Variants in STK32A observed in about 807,000 individuals in gnomAD.
The protein encoded by STK32A is serine/threonine-protein kinase 32A.
Under a neutral mutation model 53.2 loss-of-function variants are expected in STK32A, and 41 were observed. The ratio of observed to expected loss-of-function variants is 0.77; its 90% CI spans 0.60 to 1.00. The LOEUF (loss-of-function observed/expected upper bound fraction) is 1.00, where lower values mean the gene tolerates loss of function less well. Among genes scored for constraint, STK32A ranks in the 50% least tolerant of loss-of-function variants. STK32A has a pLI of 0.00. For missense variants in STK32A, 458 were observed against 485.8 expected (o/e 0.94, Z 0.54); for synonymous variants, 166 against 162.8 (o/e 1.02, Z -0.15).
At chr5:147,312,959 G>A (rs992708819) in intron 4 of STK32A, among the ~76,000 whole-genome samples, 4 of 151,882 alleles carry the variant, frequency 2.6e-5, no homozygotes, top group Admixed American at 1.3e-4. Flanking sequence ...ACTACTACTG[G>A]GCTAGATGTG....
chr5:147,307,624 C>CAAAAAAA (rs34762967), intron 4 of STK32A, among the ~76,000 whole-genome samples: 2 of 75,296 alleles, frequency 2.7e-5, no homozygotes, highest in Non-Finnish European at 2.5e-5. Context: ...GACGCTGTCT[C>CAAAAAAA]AAAAAAAAAA....
intron 5 of STK32A, among the ~76,000 whole-genome samples, chr5:147,324,999 G>T (rs539254950): frequency 6.6e-6 from 1 of 152,234 alleles, no homozygotes; most frequent in Non-Finnish European, 1.5e-5. Flanking sequence ...TAAAGAAACT[G>T]TCTCAAAGGT....
chr5:147,282,401 G>A (rs985317715), intron 4 of STK32A, among the ~76,000 whole-genome samples: 5 of 152,014 alleles, frequency 3.3e-5, no homozygotes, highest in South Asian at 2.1e-4. Context: ...AAGTACACAG[G>A]CAACAAAGAG....
At chr5:147,264,505 G>A (rs1754722162) in intron 2 of STK32A, among the ~76,000 whole-genome samples, 2 of 152,292 alleles carry the variant, frequency 1.3e-5, no homozygotes, top group East Asian at 1.9e-4. Flanking sequence ...TCCAGGGAAA[G>A]CCAAAAATTG....
intron 2 of STK32A, among the ~76,000 whole-genome samples, chr5:147,243,393 C>A (rs963553409): frequency 8.3e-6 from 1 of 120,624 alleles, no homozygotes; most frequent in African/African-American, 3.1e-5. Flanking sequence ...TGATCTTGAA[C>A]ACATAATTTT....
intron 4 of STK32A, among the ~76,000 whole-genome samples, chr5:147,322,105 A>G (rs1053045336): frequency 6.6e-6 from 1 of 152,200 alleles, no homozygotes; most frequent in Non-Finnish European, 1.5e-5. Flanking sequence ...TGCAGTTGGA[A>G]GGCTTACATA....
intron 6 of STK32A, among the ~76,000 whole-genome samples, chr5:147,349,749 G>A (rs1755868242): frequency 6.6e-6 from 1 of 152,048 alleles, no homozygotes; most frequent in Non-Finnish European, 1.5e-5. Flanking sequence ...TGTGTTAGAG[G>A]CTGAGTTCAA....
chr5:147,358,792 T>C (rs1756370840), intron 7 of STK32A, among the ~76,000 whole-genome samples: 1 of 152,120 alleles, frequency 6.6e-6, no homozygotes, highest in Admixed American at 6.5e-5. Context: ...AATAAATAAA[T>C]AGGTAGCTAG....
the STK32A span, chr5:147,393,125 T>C: frequency 1.3e-5 from 2 of 151,984 alleles, no homozygotes; most frequent in African/African-American, 4.8e-5. Flanking sequence ...GAGTGAGAGG[T>C]GACCTCGCCG....
chr5:147,397,101 TA>T, the STK32A span, among the ~76,000 whole-genome samples: 1 of 148,452 alleles, frequency 6.7e-6, no homozygotes, highest in African/African-American at 2.4e-5. Flanking sequence ...ATTGTAAATA[TA>T]TATTTAATTT....
At chr5:147,238,080 A>T (rs1184807790) in intron 1 of STK32A, among the ~76,000 whole-genome samples, 1 of 152,374 alleles carries the variant, frequency 6.6e-6, no homozygotes, top group African/African-American at 2.4e-5. Flanking sequence ...TTGTCTCATT[A>T]TATGTATCCA....
chr5:147,273,557 C>A, intron 2 of STK32A, among the ~76,000 whole-genome samples: 1 of 152,152 alleles, frequency 6.6e-6, no homozygotes, highest in East Asian at 1.9e-4. Context: ...CATAGTTGGT[C>A]TTAACTTTCC....
intron 4 of STK32A, among the ~76,000 whole-genome samples, chr5:147,318,270 G>A (rs1355904008): frequency 6.6e-6 from 1 of 151,980 alleles, no homozygotes; most frequent in Non-Finnish European, 1.5e-5. Context: ...CCATTGAAAT[G>A]CAAAGAAAAA....
chr5:147,369,327 T>C (rs1449192113), intron 8 of STK32A, among the ~76,000 whole-genome samples: 1 of 152,186 alleles, frequency 6.6e-6, no homozygotes, highest in Non-Finnish European at 1.5e-5. Flanking sequence ...AAAATTAAGC[T>C]TTTCTTCCCA....
At chr5:147,307,777 C>T (rs578222560) in intron 4 of STK32A, among the ~76,000 whole-genome samples, 3 of 152,162 alleles carry the variant, frequency 2.0e-5, no homozygotes, top group South Asian at 2.1e-4. Context: ...AAGTAATTGA[C>T]CCTTAGCCAT....
chr5:147,279,544 A>C, intron 4 of STK32A, 146 bp downstream of exon 4: 1 of 713,648 alleles, frequency 1.4e-6, no homozygotes, highest in Non-Finnish European at 2.2e-6. Flanking sequence ...GATGAGTTGG[A>C]AAACAGTGAA....
intron 7 of STK32A, among the ~76,000 whole-genome samples, chr5:147,355,771 T>C (rs147919878): frequency 0.013 from 1,691 of 130,014 alleles, 44 homozygotes; most frequent in African/African-American, 0.051. Flanking sequence ...TATGTATATG[T>C]ATGTGTGTGA....
At position 147,383,874 on chromosome 5, in the gene STK32A, T is replaced by C; in HGVS notation, c.1098-16T>C. The C allele has an allele frequency of 6.8e-7, 1 of 1,461,572 alleles. No homozygotes were observed. Among genetic ancestry groups the C allele is most frequent in the East Asian group, 2.5e-5 (1 of 40,478 alleles). 90.5% of individuals were successfully genotyped at this position (1,461,572 alleles called of 1,614,324 possible). ...TTCAAAGAATAAAACATCTTTTTTTTTCTTTTCTTTTTAAGAGTAAACAGG... is the reference window on the plus strand; with the variant it reads ...TTCAAAGAATAAAACATCTTTTTTTCTCTTTTCTTTTTAAGAGTAAACAGG... On this transcript the variant is annotated splice_polypyrimidine_tract_variant and intron_variant, in intron 12 of 12. Transcript: ENST00000397936.
At chr5:147,343,143 T>A (rs527933336) in intron 6 of STK32A, 100 bp downstream of exon 6, 1 of 1,325,978 alleles carries the variant, frequency 7.5e-7, no homozygotes. Flanking sequence ...GGTATTTTGT[T>A]CTATTCATTC....
Sources: allele counts gnomAD v4.1 joint callset (sites outside exome capture counted in the v4.1 genomes callset), GRCh38; gene constraint gnomAD v4.1.1; transcripts MANE v1.5; gene names NCBI Gene and HGNC (gene_info 2026-07-23, HGNC 2026-07-21).